ZNF850: variants seen among roughly 807,000 people sequenced by gnomAD.
ZNF850 encodes putative zinc finger protein ENSP00000330994.
ZNF850 carries 2 observed loss-of-function variants against 11.9 expected under a neutral mutation model. The ratio of observed to expected loss-of-function variants is 0.17; its 90% CI spans 0.07 to 0.53. The LOEUF (loss-of-function observed/expected upper bound fraction) is 0.53. Among genes scored for constraint, ZNF850 ranks in the 20% least tolerant of loss-of-function variants. The pLI is 0.94. For synonymous variants in ZNF850, 381 were observed against 443.0 expected (o/e 0.86, Z 1.76); for missense variants, 1,014 against 1,316.4 (o/e 0.77, Z 3.55).
chr19:36,766,038 A>T (rs1305569654), intron 1 of ZNF850, among the ~76,000 whole-genome samples: 1 of 151,438 alleles, frequency 6.6e-6, no homozygotes, highest in Non-Finnish European at 1.5e-5. Flanking sequence ...ACAGGCACAC[A>T]CCACCACACC....
At chr19:36,755,878 T>C (rs1223294128) in intron 4 of ZNF850, among the ~76,000 whole-genome samples, 2 of 149,862 alleles carry the variant, frequency 1.3e-5, no homozygotes, top group South Asian at 2.1e-4. Context: ...AGTAACTACA[T>C]AGTTTTTTTA....
At position 36,747,991 on chromosome 19, in the gene ZNF850, C is replaced by T. The variant is rs758570674; in HGVS notation, c.3049G>A (p.Ala1017Thr). 3.8e-6 allele frequency: 6 copies of T among 1,590,918 alleles called. No homozygotes were observed. In the South Asian group the frequency reaches 5.6e-5, roughly 15 times the overall value. The change falls in exon 5 of 5, where the codon GCC becomes ACC. Residue 1017 changes from alanine (A) to threonine (T), a missense_variant. Coordinates refer to ENST00000591344, the MANE Select transcript of ZNF850 (RefSeq NM_001193552.2). Reference protein sequence around the residue: ...KPYDCKECGKAFRCPSQLSQH... With the variant: ...KPYDCKECGKTFRCPSQLSQH... ...CTAAGTTGTGAAGGACATCTAAAGG[C>T]CTTCCCACATTCCTTACAATCATAA...
At chr19:36,753,586 C>G (rs1409735389) in intron 4 of ZNF850, among the ~76,000 whole-genome samples, 2 of 151,516 alleles carry the variant, frequency 1.3e-5, no homozygotes, top group African/African-American at 4.8e-5. Context: ...ACGGGAGAAC[C>G]TGTCTCTTAA....
intron 4 of ZNF850, among the ~76,000 whole-genome samples, chr19:36,758,768 C>A (rs1402997284): frequency 6.6e-6 from 1 of 152,114 alleles, no homozygotes; most frequent in Non-Finnish European, 1.5e-5. Flanking sequence ...CTGTCCTAGA[C>A]TGTCATGAGC....
chr19:36,752,930 TA>T (rs1360451290), intron 4 of ZNF850, among the ~76,000 whole-genome samples: 2 of 151,964 alleles, frequency 1.3e-5, no homozygotes, highest in African/African-American at 2.4e-5. Context: ...TGAGGTTTTC[TA>T]AAAAAAATCT....
chr19:36,768,532 A>G (rs1457741816), intron 1 of ZNF850, among the ~76,000 whole-genome samples: 2 of 152,190 alleles, frequency 1.3e-5, no homozygotes, highest in Non-Finnish European at 2.9e-5. Context: ...ATGTACTTCA[A>G]ATTTCCCTAT....
chr19:36,761,354 C>T (rs945212124), intron 4 of ZNF850, among the ~76,000 whole-genome samples: 98 of 151,896 alleles, frequency 6.5e-4, no homozygotes, highest in African/African-American at 1.8e-3. Flanking sequence ...GCAGGAGAGT[C>T]GCTTCAACCT....
chr19:36,758,578 C>T (rs752824756), intron 4 of ZNF850, among the ~76,000 whole-genome samples: 3 of 151,980 alleles, frequency 2.0e-5, no homozygotes, highest in Admixed American at 1.3e-4. Flanking sequence ...GAGGGGATTT[C>T]GCCACATTTG....
chr19:36,763,052 A>G (rs2040528869), intron 1 of ZNF850, among the ~76,000 whole-genome samples: 1 of 151,828 alleles, frequency 6.6e-6, no homozygotes, highest in African/African-American at 2.4e-5. Flanking sequence ...CACCATGTCC[A>G]GCTAATTTTT....
intron 4 of ZNF850, among the ~76,000 whole-genome samples, chr19:36,758,812 C>T (rs987905401): frequency 6.6e-6 from 1 of 152,116 alleles, no homozygotes; most frequent in Non-Finnish European, 1.5e-5. Context: ...GGTGTAGTGG[C>T]TCATGTCTGT....
intron 4 of ZNF850, among the ~76,000 whole-genome samples, chr19:36,755,514 C>T (rs1394114963): frequency 6.6e-6 from 1 of 152,086 alleles, no homozygotes; most frequent in African/African-American, 2.4e-5. Context: ...AGCCACCGCA[C>T]CTGGCCTAAA....
rs544541991 is a variant in ZNF850 at position 36,772,195 on chromosome 19, CTTA to C, written c.-70+527_-70+529del. Among the ~76,000 whole-genome samples, 28 of 152,290 alleles carry C rather than the reference CTTA, an allele frequency of 1.8e-4. No individual in the cohort carries two copies. In the South Asian group the frequency reaches 5.6e-3, roughly 30 times the overall value. Reference sequence around the variant, plus strand: ...AGGACAACCCCCCTGTGGAGTTTTCCTTATGTATGCCTGCAGCCTGATTTTTCA... The same window carrying C: ...AGGACAACCCCCCTGTGGAGTTTTCCTGTATGCCTGCAGCCTGATTTTTCA... On this transcript the variant is annotated intron_variant, in intron 1 of 4. Transcript: ENST00000591344.
Position 36,747,678 on chromosome 19 carries a change from G to T in ZNF850, c.*89C>A. On this transcript the variant is annotated 3_prime_UTR_variant, in exon 5 of 5. Coordinates refer to ENST00000591344, the MANE Select transcript of ZNF850 (RefSeq NM_001193552.2). ...TCGTAATTCTGGAAAAAGTGAATAT[G>T]AAGTAATACACATCCATTGTATTTG... 9.1e-5 allele frequency: 101 copies of T among 1,110,238 alleles called. No individual in the cohort carries two copies. The highest frequency in any genetic ancestry group is 1.1e-4 in the Non-Finnish European group (88 of 815,946). 68.8% of individuals were successfully genotyped at this position (1,110,238 alleles called of 1,614,324 possible).
Position 36,745,050 on chromosome 19 carries a change from T to C in ZNF850, c.*2717A>G, listed in dbSNP as rs1393707437. 6.6e-6 allele frequency: 1 copy of C among 151,334 alleles called. No homozygotes were observed. Among genetic ancestry groups the C allele is most frequent in the African/African-American group, 2.4e-5 (1 of 41,116 alleles). The allele number at this position is 151,334 out of a possible 1,614,324, so 9.4% of individuals were successfully genotyped here. A position where few individuals can be genotyped will look rare whatever the true frequency, so the allele number is the denominator to read the frequency against. Reference sequence around the variant, plus strand: ...AGGAGAATGGCGTGAACCTGGGAGGTGGAGCTTGCAGTGAGTCGAGATCAC... The same window carrying C: ...AGGAGAATGGCGTGAACCTGGGAGGCGGAGCTTGCAGTGAGTCGAGATCAC... On this transcript the variant is annotated 3_prime_UTR_variant, in exon 5 of 5. Coordinates refer to ENST00000591344, the MANE Select transcript of ZNF850 (RefSeq NM_001193552.2).
chr19:36,772,411 G>T (rs1272638638), intron 1 of ZNF850, among the ~76,000 whole-genome samples: 1 of 152,056 alleles, frequency 6.6e-6, no homozygotes, highest in Non-Finnish European at 1.5e-5. Context: ...AGTTGCACTT[G>T]CACAGCCACA....
intron 3 of ZNF850, 39 bp from the exon 4 acceptor site, chr19:36,761,777 G>A: frequency 1.6e-6 from 2 of 1,259,232 alleles, no homozygotes; most frequent in South Asian, 1.3e-5. Context: ...CAGGCATGGT[G>A]GCTCACTCCT....
intron 4 of ZNF850, among the ~76,000 whole-genome samples, chr19:36,754,143 G>A (rs1470907045): frequency 9.6e-5 from 13 of 135,892 alleles, no homozygotes; most frequent in South Asian, 5.4e-4. Context: ...CACTCAGCCC[G>A]GGCAACAGAG....
chr19:36,763,148 C>T (rs541021144), intron 1 of ZNF850, among the ~76,000 whole-genome samples: 24 of 152,166 alleles, frequency 1.6e-4, no homozygotes, highest in Admixed American at 1.6e-3. Flanking sequence ...GCTTTGGCCT[C>T]CCAAAGTGCT....
intron 1 of ZNF850, among the ~76,000 whole-genome samples, chr19:36,764,981 C>T (rs1568739353): frequency 3.3e-5 from 5 of 151,980 alleles, no homozygotes; most frequent in East Asian, 1.9e-4. Context: ...CCACCATGCC[C>T]GGGCAACTCT....
Sources: gnomAD v4.1 joint callset for allele counts (sites outside exome capture counted in the v4.1 genomes callset) on GRCh38, gnomAD v4.1.1 for gene constraint, MANE v1.5 for transcripts, NCBI Gene and HGNC (gene_info 2026-07-23, HGNC 2026-07-21) for gene names.